THOC5: variants seen among roughly 807,000 people sequenced by gnomAD.
The protein encoded by THOC5 is THO complex subunit 5.
A neutral mutation model predicts 92.9 loss-of-function variants in THOC5; 43 were observed. That is an observed-to-expected ratio of 0.46 (90% CI 0.36 to 0.60). The LOEUF (loss-of-function observed/expected upper bound fraction) is 0.60, where lower values mean the gene tolerates loss of function less well. Among genes scored for constraint, THOC5 ranks in the 20% least tolerant of loss-of-function variants. The pLI is 0.00. For missense variants in THOC5, 659 were observed against 849.4 expected (o/e 0.78, Z 2.79); for synonymous variants, 296 against 320.1 (o/e 0.92, Z 0.80).
intron 8 of THOC5, 81 bp downstream of exon 8, chr22:29,531,750 C>G: frequency 6.5e-7 from 1 of 1,540,352 alleles, no homozygotes; most frequent in South Asian, 1.3e-5. Flanking sequence ...ATTTCCTGAG[C>G]AGGTACTGCT....
intron 1 of THOC5, among the ~76,000 whole-genome samples, chr22:29,553,098 C>T (rs1187341575): frequency 1.3e-5 from 2 of 152,174 alleles, no homozygotes; most frequent in African/African-American, 2.4e-5. Flanking sequence ...GACACAAACA[C>T]TGCGGAAGGC....
chr22:29,513,356 C>CAA (rs375469055), intron 17 of THOC5, among the ~76,000 whole-genome samples: 31 of 102,368 alleles, frequency 3.0e-4, no homozygotes, highest in East Asian at 1.9e-3. Flanking sequence ...GACTCCGTCT[C>CAA]AAAAAAAAAA....
intron 5 of THOC5, among the ~76,000 whole-genome samples, chr22:29,541,262 C>T (rs1314336000): frequency 6.6e-6 from 1 of 151,748 alleles, no homozygotes; most frequent in Non-Finnish European, 1.5e-5. Context: ...TTAATCTTAC[C>T]CTTTTGGGAG....
chr22:29,547,189 G>A (rs2064040641), intron 2 of THOC5, among the ~76,000 whole-genome samples: 1 of 151,996 alleles, frequency 6.6e-6, no homozygotes, highest in Non-Finnish European at 1.5e-5. Flanking sequence ...TCCTCCACCA[G>A]ATACCCTAAA....
chr22:29,529,387 T>A, intron 8 of THOC5, 148 bp from the exon 9 acceptor site: 2 of 746,734 alleles, frequency 2.7e-6, no homozygotes, highest in Non-Finnish European at 4.5e-6. Flanking sequence ...TTGCTCCAGA[T>A]GAAGGGAAAC....
chr22:29,543,084 C>T, intron 4 of THOC5, 128 bp from the exon 5 acceptor site: 1 of 661,468 alleles, frequency 1.5e-6, no homozygotes, highest in African/African-American at 1.8e-5. Flanking sequence ...TGGCTCACGC[C>T]TGTAATCCCA....
chr22:29,512,544 A>G (rs567614599), intron 17 of THOC5, among the ~76,000 whole-genome samples: 3 of 152,334 alleles, frequency 2.0e-5, no homozygotes, highest in African/African-American at 7.2e-5. Flanking sequence ...CACATCAAAT[A>G]TATTTTCTCT....
chr22:29,543,775 T>C (rs569719318), intron 3 of THOC5, among the ~76,000 whole-genome samples: 1 of 152,142 alleles, frequency 6.6e-6, no homozygotes, highest in East Asian at 1.9e-4. Flanking sequence ...GAATTGAAGA[T>C]GGAATAAGGG....
intron 8 of THOC5, among the ~76,000 whole-genome samples, chr22:29,530,823 T>C (rs984501409): frequency 2.0e-5 from 3 of 152,068 alleles, no homozygotes; most frequent in African/African-American, 7.2e-5. Flanking sequence ...AGGGTACATA[T>C]GGTCCCAAGA....
At chr22:29,542,551 G>A (rs886699329) in intron 5 of THOC5, among the ~76,000 whole-genome samples, 3 of 151,726 alleles carry the variant, frequency 2.0e-5, no homozygotes, top group Non-Finnish European at 4.4e-5. Flanking sequence ...ACCACCTGAG[G>A]TCAGGAGTTC....
chr22:29,534,214 A>G (rs2063709598), intron 7 of THOC5, among the ~76,000 whole-genome samples: 1 of 152,226 alleles, frequency 6.6e-6, no homozygotes, highest in South Asian at 2.1e-4. Flanking sequence ...TATAGAGTTC[A>G]AAAATAGGCA....
At chr22:29,552,614 C>T (rs557347345) in intron 1 of THOC5, among the ~76,000 whole-genome samples, 194 of 144,550 alleles carry the variant, frequency 1.3e-3, no homozygotes, top group African/African-American at 4.6e-3. Context: ...CCCGTCGGGT[C>T]GGGGGTAGGG....
At chr22:29,513,588 C>A (rs2063271107) in intron 17 of THOC5, among the ~76,000 whole-genome samples, 1 of 151,752 alleles carries the variant, frequency 6.6e-6, no homozygotes, top group South Asian at 2.1e-4. Context: ...CTTAGGAGGC[C>A]AAGACGGGAG....
At chr22:29,551,837 C>T (rs2064153858) in intron 1 of THOC5, among the ~76,000 whole-genome samples, 1 of 143,646 alleles carries the variant, frequency 7.0e-6, no homozygotes, top group Non-Finnish European at 1.5e-5. Flanking sequence ...TGATGCCGAG[C>T]CGAAGCTGGA....
At chr22:29,551,263 G>A (rs1449281965) in intron 1 of THOC5, among the ~76,000 whole-genome samples, 3 of 152,174 alleles carry the variant, frequency 2.0e-5, no homozygotes, top group East Asian at 1.9e-4. Context: ...GTGAAACCCC[G>A]TCAGTACCAC....
rs774614717 is a variant in THOC5, at chr22:29,544,479, C to T, written c.221G>A (p.Ser74Asn). The change falls in exon 3 of 20, where the codon AGC becomes AAC. Residue 74 changes from serine (S) to asparagine (N), a missense_variant. Coordinates refer to ENST00000490103, the MANE Select transcript of THOC5 (RefSeq NM_003678.5). ...RLMAEIQDLKSRGGKDVAIEI... is the reference protein window; with the variant it reads ...RLMAEIQDLKNRGGKDVAIEI... ...CCTTACCACATCCTTGCCACCCCTG[C>T]TCTTCAGGTCTTGGATCTCAGCCAT... The T allele has an allele frequency of 6.2e-7, 1 of 1,613,772 alleles. No individual in the cohort carries two copies. Among genetic ancestry groups the T allele is most frequent in the Non-Finnish European group, 8.5e-7 (1 of 1,179,928 alleles).
chr22:29,536,908 C>T (rs1026598251), intron 6 of THOC5, among the ~76,000 whole-genome samples, 170 bp from the exon 7 acceptor site: 3 of 152,224 alleles, frequency 2.0e-5, no homozygotes, highest in African/African-American at 2.4e-5. Context: ...AGCATAATTA[C>T]ATTTAATACT....
chr22:29,520,708 C>T (rs895831318), intron 13 of THOC5, among the ~76,000 whole-genome samples: 2 of 152,206 alleles, frequency 1.3e-5, no homozygotes, highest in South Asian at 2.1e-4. Context: ...GTTGCCCAGG[C>T]TGGTATCGAA....
intron 1 of THOC5, chr22:29,553,349 G>A (rs1454408274): frequency 6.5e-6 from 1 of 153,028 alleles, no homozygotes; most frequent in Non-Finnish European, 1.5e-5. Context: ...GGGAAATCCT[G>A]ACTTTGGCAA....
Sources: allele counts gnomAD v4.1 joint callset (sites outside exome capture counted in the v4.1 genomes callset), GRCh38; gene constraint gnomAD v4.1.1; transcripts MANE v1.5; gene names NCBI Gene and HGNC (gene_info 2026-07-23, HGNC 2026-07-21).